Variants in PRPF3 observed in about 807,000 individuals in gnomAD.
PRPF3 encodes U4/U6 small nuclear ribonucleoprotein Prp3.
A neutral mutation model predicts 89.2 loss-of-function variants in PRPF3; 3 were observed. The ratio of observed to expected loss-of-function variants is 0.03; its 90% CI spans 0.02 to 0.09. The LOEUF (loss-of-function observed/expected upper bound fraction) is 0.09. Among genes scored for constraint, PRPF3 ranks in the 10% least tolerant of loss-of-function variants. The pLI is 1.00. For synonymous variants in PRPF3, 270 were observed against 289.1 expected (o/e 0.93, Z 0.67); for missense variants, 463 against 828.8 (o/e 0.56, Z 5.42).
At chr1:150,345,833 G>T (rs1248771974) in intron 12 of PRPF3, 185 bp from the exon 13 acceptor site, 1 of 672,440 alleles carries the variant, frequency 1.5e-6, no homozygotes, top group Non-Finnish European at 2.7e-6. Flanking sequence ...TTGAAGAAAT[G>T]TAAGAGTGTG....
At chr1:150,338,855 T>C (rs769790516) in intron 8 of PRPF3, among the ~76,000 whole-genome samples, 3 of 152,194 alleles carry the variant, frequency 2.0e-5, no homozygotes, top group Non-Finnish European at 1.5e-5. Flanking sequence ...ATATATAGGC[T>C]GTTTTTAGCT....
At chr1:150,348,459 C>CCTTTTTTTTTTTTT (rs1553873583) in intron 14 of PRPF3, among the ~76,000 whole-genome samples, 1 of 34,824 alleles carries the variant, frequency 2.9e-5, no homozygotes, top group Non-Finnish European at 5.5e-5. Context: ...TCTACACGTG[C>CCTTTTTTTTTTTTT]ATTTTTTTTT....
intron 4 of PRPF3, among the ~76,000 whole-genome samples, chr1:150,330,799 C>A (rs1260401): frequency 2.0e-5 from 3 of 150,180 alleles, no homozygotes; most frequent in Non-Finnish European, 4.4e-5. Flanking sequence ...TCACTGCAAC[C>A]TCCGCCTCCC....
rs1553864368 is a variant in PRPF3 at position 150,328,304 on chromosome 1, T to A, written c.277-16T>A. On this transcript the variant is annotated splice_polypyrimidine_tract_variant and intron_variant, in intron 3 of 15. Coordinates refer to ENST00000324862, the MANE Select transcript of PRPF3 (RefSeq NM_004698.4). ...GGGGAGGGATACAGCTTTTCTTTCA[T>A]CTTGGGTTCCCTTAGGAGGTGTTTG... The A allele has an allele frequency of 6.2e-7, 1 of 1,613,716 alleles. No individual in the cohort carries two copies. The highest frequency in any genetic ancestry group is 1.3e-5 in the African/African-American group (1 of 74,890).
intron 14 of PRPF3, chr1:150,348,828 T>C (rs1658596279): frequency 3.0e-6 from 1 of 334,382 alleles, no homozygotes; most frequent in South Asian, 2.8e-5. Context: ...GAGTAATATA[T>C]GATGTTGACA....
intron 11 of PRPF3, 23 bp from the exon 12 acceptor site, chr1:150,344,411 G>C: frequency 6.2e-7 from 1 of 1,614,128 alleles, no homozygotes; most frequent in Non-Finnish European, 8.5e-7. Context: ...TCTCACTTGT[G>C]GATGTCCTTC....
At chr1:150,328,137 G>C (rs1655921361) in intron 3 of PRPF3, 183 bp from the exon 4 acceptor site, 1 of 627,618 alleles carries the variant, frequency 1.6e-6, no homozygotes, top group African/African-American at 1.8e-5. Flanking sequence ...ACTGGATTAG[G>C]AGAATGTTGA....
Position 150,346,154 on chromosome 1 carries a change from G to T in PRPF3, c.1759+18G>T, listed in dbSNP as rs1658250096. 1 of 1,595,562 alleles carries T rather than the reference G, an allele frequency of 6.3e-7. No homozygotes were observed. The highest frequency in any genetic ancestry group is 1.3e-5 in the African/African-American group (1 of 74,614). On this transcript the variant is annotated intron_variant, in intron 13 of 15. Transcript: ENST00000324862. ...GGAAGGGGGTGAGTCTGAAAAACTT[G>T]AGGGAGACTGTCCCCAGACAACCCT...
At chr1:150,324,569 T>TTTG (rs1241094207) in intron 1 of PRPF3, among the ~76,000 whole-genome samples, 8 of 148,002 alleles carry the variant, frequency 5.4e-5, no homozygotes, top group Non-Finnish European at 7.5e-5. Context: ...TTTTTTTTTG[T>TTTG]AGAGAGAGTC....
chr1:150,350,297 G>A lies in PRPF3; in HGVS notation c.1905+1079G>A, dbSNP rs1006512376. Among the ~76,000 whole-genome samples the A allele has an allele frequency of 9.9e-5, 15 of 151,106 alleles. No homozygotes were observed. In the East Asian group the frequency reaches 2.9e-3, roughly 29 times the overall value. On this transcript the variant is annotated intron_variant, in intron 15 of 15. Transcript: ENST00000324862. Reference sequence around the variant, plus strand: ...GCTCACCGCAACCACCGCCTCCTGGGTTCAAGTGATTCTCCTGCCTCGGCC... The same window carrying A: ...GCTCACCGCAACCACCGCCTCCTGGATTCAAGTGATTCTCCTGCCTCGGCC...
chr1:150,323,239 T>C (rs1302474706), intron 1 of PRPF3, among the ~76,000 whole-genome samples: 2 of 124,298 alleles, frequency 1.6e-5, no homozygotes. Flanking sequence ...GGAGTGCACA[T>C]GATTTTGGCT....
chr1:150,344,152 T>G lies in PRPF3; in HGVS notation c.1427-10T>G. The G allele has an allele frequency of 6.2e-7, 1 of 1,611,470 alleles. No individual in the cohort carries two copies. Among genetic ancestry groups the G allele is most frequent in the East Asian group, 2.2e-5 (1 of 44,882 alleles). On this transcript the variant is annotated splice_polypyrimidine_tract_variant and intron_variant, in intron 10 of 15. Coordinates refer to ENST00000324862, the MANE Select transcript of PRPF3 (RefSeq NM_004698.4). ...TTCAAAGACTGATTGTTGTCCTCTC[T>G]TCACTGCAGTGAGAATTTCTAATTT...
Position 150,347,870 on chromosome 1 carries a change from G to C in PRPF3, c.1844-1287G>C, listed in dbSNP as rs587688190. ...CAAAGCCTATTTTTATCTCATGTAAGAGTATTTTACTGCATATTGCTAGCC... is the reference window on the plus strand; with the variant it reads ...CAAAGCCTATTTTTATCTCATGTAACAGTATTTTACTGCATATTGCTAGCC... On this transcript the variant is annotated intron_variant, in intron 14 of 15. Transcript: ENST00000324862. 1.7e-4 allele frequency among the ~76,000 whole-genome samples: 26 copies of C among 152,252 alleles called. No homozygotes were observed. The South Asian group carries it at 4.8e-3, about 28-fold the overall frequency.
chr1:150,340,720 C>T (rs1297039027), intron 9 of PRPF3, among the ~76,000 whole-genome samples: 6 of 152,052 alleles, frequency 3.9e-5, no homozygotes, highest in Admixed American at 3.3e-4. Flanking sequence ...TGGCTCATGC[C>T]TCTAATCCAA....
At chr1:150,349,382 C>T (rs1190116146) in intron 15 of PRPF3, among the ~76,000 whole-genome samples, 164 bp downstream of exon 15, 1 of 152,136 alleles carries the variant, frequency 6.6e-6, no homozygotes, top group Non-Finnish European at 1.5e-5. Context: ...GTAAATTCTT[C>T]CTGATCATCT....
chr1:150,335,006 C>A lies in PRPF3; in HGVS notation c.800C>A (p.Ala267Glu). Residue 267 changes from alanine to glutamate, a missense_variant, in exon 7 of 16, where the codon GCA becomes GAA. Ala to Glu is a moderately radical substitution (Grantham distance 107). This residue lies in a region of PRPF3 where 261 missense variants were observed against 475.8 expected (regional missense o/e 0.55). Coordinates refer to ENST00000324862, the MANE Select transcript of PRPF3 (RefSeq NM_004698.4). ...ILDEQGRTVD[A>E]TGKEIELTHR... Reference sequence around the variant, plus strand: ...GATGAGCAAGGGCGCACTGTAGATGCAACAGGCAAGGAGATTGAGCTGACA... The same window carrying A: ...GATGAGCAAGGGCGCACTGTAGATGAAACAGGCAAGGAGATTGAGCTGACA... 1 of 1,614,114 alleles carries A rather than the reference C, an allele frequency of 6.2e-7. No individual in the cohort carries two copies. Among genetic ancestry groups the A allele is most frequent in the Non-Finnish European group, 8.5e-7 (1 of 1,180,024 alleles).
At chr1:150,329,220 G>A (rs1656060114) in intron 4 of PRPF3, among the ~76,000 whole-genome samples, 2 of 151,920 alleles carry the variant, frequency 1.3e-5, no homozygotes, top group Non-Finnish European at 2.9e-5. Flanking sequence ...AGTACAGATG[G>A]TATTTTGTCA....
At chr1:150,348,742 C>T (rs1286800573) in intron 14 of PRPF3, 15 of 248,598 alleles carry the variant, frequency 6.0e-5, no homozygotes, top group Non-Finnish European at 4.7e-5. Context: ...GGATTACAGG[C>T]GTGAGCCACC....
At chr1:150,344,897 T>G (rs1469847745) in intron 12 of PRPF3, among the ~76,000 whole-genome samples, 12 of 152,024 alleles carry the variant, frequency 7.9e-5, no homozygotes, top group African/African-American at 2.9e-4. Flanking sequence ...ATCTTTTTTT[T>G]TTTAAATGGT....
Sources: gnomAD v4.1 joint callset for allele counts (sites outside exome capture counted in the v4.1 genomes callset) on GRCh38, gnomAD v4.1.1 for gene constraint, gnomAD v4.1.1 regional missense constraint, MANE v1.5 for transcripts, NCBI Gene and HGNC (gene_info 2026-07-23, HGNC 2026-07-21) for gene names.